The following TFDP1 variants were observed in gnomAD, a reference collection of about 807,000 sequenced individuals.
TFDP1 encodes the protein transcription factor Dp-1.
Under a neutral mutation model 48.0 loss-of-function variants are expected in TFDP1, and 6 were observed. The observed-to-expected ratio is 0.13, with a 90% CI of 0.07 to 0.25. The LOEUF (loss-of-function observed/expected upper bound fraction) is 0.25. Ranked by LOEUF, TFDP1 falls within the 10% of genes least tolerant of loss-of-function variation. TFDP1 has a pLI of 1.00. For missense variants in TFDP1, 335 were observed against 543.0 expected, an observed-to-expected ratio of 0.62 and a Z score of 3.81; for synonymous variants, 201 against 211.6, an observed-to-expected ratio of 0.95 and a Z score of 0.44.
chr13:113,605,696 C>T (rs1186248570), intron 2 of TFDP1, among the ~76,000 whole-genome samples: 2 of 152,266 alleles, frequency 1.3e-5, no homozygotes, highest in African/African-American at 2.4e-5. Context: ...CACCGTGGCA[C>T]CAGCTTTCGC....
chr13:113,638,223 C>G (rs4150818), intron 11 of TFDP1, among the ~76,000 whole-genome samples: 71,836 of 152,156 alleles, frequency 0.47, 19,941 homozygotes, highest in Non-Finnish European at 0.6. Flanking sequence ...GGTTTTTTTT[C>G]CCATTTTTCA....
chr13:113,592,687 T>A (rs1223681215), intron 2 of TFDP1, among the ~76,000 whole-genome samples: 3 of 152,250 alleles, frequency 2.0e-5, no homozygotes, highest in Non-Finnish European at 2.9e-5. Context: ...CCTGAATGGG[T>A]CAGCCCAGAA....
At chr13:113,615,766 A>G (rs2048841794) in intron 3 of TFDP1, among the ~76,000 whole-genome samples, 1 of 152,270 alleles carries the variant, frequency 6.6e-6, no homozygotes, top group South Asian at 2.1e-4. Flanking sequence ...AAAGTAGCCA[A>G]GCATGGTGGC....
chr13:113,623,046 T>G lies in TFDP1; in HGVS notation c.80-134T>G. ...TCATGGAGGTGTTGCTCTTGAGCCC[T>G]GGATTTGAGACAGTACACGTGGGGA... On this transcript the variant is annotated intron_variant, in intron 3 of 11. Coordinates refer to ENST00000375370, the MANE Select transcript of TFDP1 (RefSeq NM_007111.5). The surrounding 1 kb of genome is among the most constrained non-coding windows in gnomAD (Gnocchi z 5.2). The G allele has an allele frequency of 1.3e-6, 1 of 762,828 alleles. No individual in the cohort carries two copies. Among genetic ancestry groups the G allele is most frequent in the South Asian group, 1.8e-5 (1 of 57,094 alleles). 47.3% of individuals were successfully genotyped at this position (762,828 alleles called of 1,614,324 possible). A position where few individuals can be genotyped will look rare whatever the true frequency, so the allele number is the denominator to read the frequency against.
intron 5 of TFDP1, among the ~76,000 whole-genome samples, chr13:113,632,690 A>G (rs1465579010): frequency 6.6e-6 from 1 of 152,238 alleles, no homozygotes; most frequent in East Asian, 1.9e-4. Context: ...AGGCAGGAGA[A>G]TCGCTTGAAC....
chr13:113,634,477 A>G (rs2049420110), intron 7 of TFDP1, 57 bp from the exon 8 acceptor site: 2 of 1,515,866 alleles, frequency 1.3e-6, no homozygotes, highest in South Asian at 2.3e-5. Context: ...TGGGTTTTAA[A>G]AAACGCTCTG....
At chr13:113,639,226 C>T (rs1460464407) in intron 11 of TFDP1, among the ~76,000 whole-genome samples, 2 of 152,240 alleles carry the variant, frequency 1.3e-5, no homozygotes, top group African/African-American at 4.8e-5. Flanking sequence ...AATGCTGCTT[C>T]TTCCATGAGG....
At chr13:113,637,943 C>G in intron 11 of TFDP1, 47 bp downstream of exon 11, 1 of 1,598,026 alleles carries the variant, frequency 6.3e-7, no homozygotes, top group Non-Finnish European at 8.5e-7. Context: ...GGGCCTCCCC[C>G]GGGGTCCAGG....
At position 113,640,138 on chromosome 13, in the gene TFDP1, A is replaced by C. The variant is rs759607544; in HGVS notation, c.1104A>C (p.Ala368=). The C allele has an allele frequency of 3.5e-5, 56 of 1,610,884 alleles. No individual in the cohort carries two copies. The highest frequency in any genetic ancestry group is 8.5e-7 in the Non-Finnish European group (1 of 1,178,972). Residue 368 remains alanine (A), a synonymous_variant, in exon 12 of 12, where the codon GCA becomes GCC. Coordinates refer to ENST00000375370, the MANE Select transcript of TFDP1 (RefSeq NM_007111.5). The part of the protein sequence containing the change: ...RFSASDLTNG[A]DGMLATSSNG... The stretch of plus-strand genomic sequence containing the variant: ...CTTGCAGTGACCTGACCAACGGTGC[A>C]GATGGGATGCTGGCCACAAGCTCCA...
chr13:113,615,345 G>A (rs1269780830), intron 3 of TFDP1, among the ~76,000 whole-genome samples: 3 of 152,126 alleles, frequency 2.0e-5, no homozygotes, highest in Non-Finnish European at 2.9e-5. Context: ...TCATGCCTAC[G>A]GCCCCGCAGT....
chr13:113,597,917 G>C (rs1004728923), intron 2 of TFDP1, among the ~76,000 whole-genome samples: 4 of 152,168 alleles, frequency 2.6e-5, no homozygotes, highest in Admixed American at 6.5e-5. Flanking sequence ...AATGATTGAG[G>C]GGGTGGCAGG....
At position 113,636,134 on chromosome 13, in the gene TFDP1, T is replaced by G. The variant is rs374435061; in HGVS notation, c.839+6T>G. 134 of 1,613,994 alleles carry G rather than the reference T, an allele frequency of 8.3e-5. No individual in the cohort carries two copies. The African/African-American group carries it at 1.8e-3, about 21-fold the overall frequency. ...TGCAGCATCTCCAATGACAAGTAGG[T>G]TGTGGGCGGGGAGCTGTTCCCTGGT... is the stretch of plus-strand genomic sequence containing the variant. On this transcript the variant is annotated splice_donor_region_variant and intron_variant, in intron 9 of 11. Coordinates refer to ENST00000375370, the MANE Select transcript of TFDP1 (RefSeq NM_007111.5).
At chr13:113,619,248 G>A (rs1185428197) in intron 3 of TFDP1, among the ~76,000 whole-genome samples, 5 of 152,086 alleles carry the variant, frequency 3.3e-5, no homozygotes, top group African/African-American at 7.2e-5. Flanking sequence ...CGAGGCAGGC[G>A]GATCACCAGA....
chr13:113,618,530 A>AACT (rs1376080149), intron 3 of TFDP1, among the ~76,000 whole-genome samples: 2 of 152,098 alleles, frequency 1.3e-5, no homozygotes, highest in Non-Finnish European at 2.9e-5. Context: ...CAAAAACAAC[A>AACT]ACTACTACTA....
rs2140608820 is a variant in TFDP1 at position 113,633,908 on chromosome 13, A to G, written c.493A>G (p.Ile165Val). 6.2e-7 allele frequency: 1 copy of G among 1,613,496 alleles called. No homozygotes were observed. Among genetic ancestry groups the G allele is most frequent in the Non-Finnish European group, 8.5e-7 (1 of 1,179,618 alleles). Residue 165 changes from isoleucine to valine, a missense_variant, in exon 7 of 12, where the codon ATA (isoleucine) becomes GTA (valine). Coordinates refer to ENST00000375370, the MANE Select transcript of TFDP1 (RefSeq NM_007111.5). This position sits in a 1 kb window ranked among gnomAD's most constrained non-coding sequence, Gnocchi z 4.5. ...PNESAYDQKN[I>V]RRRVYDALNV... ...TCCCCAGGCTTATGACCAGAAAAACATAAGACGGCGCGTCTACGATGCCTT... is the reference window on the plus strand; with the variant it reads ...TCCCCAGGCTTATGACCAGAAAAACGTAAGACGGCGCGTCTACGATGCCTT...
intron 4 of TFDP1, among the ~76,000 whole-genome samples, chr13:113,624,821 T>A (rs1052016172): frequency 3.4e-5 from 5 of 147,018 alleles, no homozygotes; most frequent in African/African-American, 1.3e-4. Flanking sequence ...CTCAGGTGTC[T>A]CTCACGTGTC....
intron 2 of TFDP1, among the ~76,000 whole-genome samples, chr13:113,594,345 G>C (rs551662003): frequency 6.8e-6 from 1 of 146,956 alleles, no homozygotes; most frequent in Non-Finnish European, 1.5e-5. Context: ...TGCTGTGCAC[G>C]CGTCCTCAGC....
In TFDP1 at chr13:113,596,091, A is replaced by T. The variant is rs567601233; in HGVS notation, c.12+10242A>T. ...AGTGAGACTCCGTCTCAAAAAAAAAAAGTATTAATGGCTCGGAGTAACTTG... is the reference window on the plus strand; with the variant it reads ...AGTGAGACTCCGTCTCAAAAAAAAATAGTATTAATGGCTCGGAGTAACTTG... On this transcript the variant is annotated intron_variant, in intron 2 of 11. Transcript: ENST00000375370. Among the ~76,000 whole-genome samples, 28 of 152,382 alleles carry T rather than the reference A, an allele frequency of 1.8e-4. No individual in the cohort carries two copies. In the South Asian group the frequency reaches 4.8e-3, roughly 26 times the overall value.
chr13:113,629,362 A>G (rs1472983826), intron 4 of TFDP1, among the ~76,000 whole-genome samples: 1 of 152,186 alleles, frequency 6.6e-6, no homozygotes, highest in Non-Finnish European at 1.5e-5. Flanking sequence ...CTTCCAGGAA[A>G]GGTTGTTGGT....
Sources: allele counts gnomAD v4.1 joint callset (sites outside exome capture counted in the v4.1 genomes callset), GRCh38; gene constraint gnomAD v4.1.1; non-coding constraint Gnocchi (gnomAD v3.1); transcripts MANE v1.5; gene names NCBI Gene and HGNC (gene_info 2026-07-23, HGNC 2026-07-21).